The following ADGRD2 variants were observed in gnomAD, a reference collection of about 807,000 sequenced individuals.
The protein encoded by ADGRD2 is adhesion G protein-coupled receptor D2, also known as G protein-coupled receptor PGR24.
A neutral mutation model predicts 44.4 loss-of-function variants in ADGRD2; 71 were observed. The ratio of observed to expected loss-of-function variants is 1.60; its 90% CI spans 1.32 to 1.95. The LOEUF is 1.95. Ranked by LOEUF, ADGRD2 falls within the 30% of genes most tolerant of loss-of-function variation. The pLI, the probability that ADGRD2 is intolerant of heterozygous loss-of-function variation, is 0.00. For missense variants in ADGRD2, 1,039 were observed against 512.4 expected (o/e 2.03, Z -9.92); for synonymous variants, 481 against 224.8 (o/e 2.14, Z -10.19).
exon 9 of ADGRD2, chr9:124,458,201 C>T (rs1442791750): frequency 1.4e-6 from 1 of 718,486 alleles, no homozygotes; most frequent in East Asian, 2.7e-5. Flanking sequence ...AGCCCCAGGC[C>T]CCTGCCAGCT....
In ADGRD2 at chr9:124,452,438, G is replaced by A. The variant is rs116490228; in HGVS notation, c.69-72G>A. ...GAATGACTCCAAGCCCAGTGTCCTT[G>A]GCTCCGCCCAGCCCTGGAAGAGTCA... On this transcript the variant is annotated intron_variant, in intron 1 of 21. Transcript: ENST00000334810. The A allele has an allele frequency of 1.9e-3, 1,328 of 715,066 alleles. 23 individuals are homozygous for A. The African/African-American group carries it at 0.019, about 10-fold the overall frequency. The allele number at this position is 715,066 out of a possible 1,614,324, so 44.3% of individuals were successfully genotyped here. A position where few individuals can be genotyped will look rare whatever the true frequency, so the allele number is the denominator to read the frequency against.
chr9:124,467,697 G>T (rs781725821), intron 11 of ADGRD2, 24 bp from the exon 15 acceptor site: 9 of 717,918 alleles, frequency 1.3e-5, no homozygotes, highest in South Asian at 1.0e-4. Context: ...GGTGCCAGGG[G>T]GGTTTCTCTG....
chr9:124,471,651 C>T (rs1410782807), intron 17 of ADGRD2, among the ~76,000 whole-genome samples: 1 of 152,222 alleles, frequency 6.6e-6, no homozygotes, highest in Non-Finnish European at 1.5e-5. Context: ...TTCTCAGCCA[C>T]AGGGCATCCA....
chr9:124,473,474 G>C (rs545144682), intron 17 of ADGRD2, among the ~76,000 whole-genome samples: 3 of 152,346 alleles, frequency 2.0e-5, no homozygotes, highest in Admixed American at 2.0e-4. Context: ...TCATCGTGGA[G>C]TTCAGCTGAC....
In ADGRD2 at chr9:124,454,111, G is replaced by A. The variant is rs1831566405; in HGVS notation, c.1022+14G>A. The A allele has an allele frequency of 2.9e-6, 2 of 684,328 alleles. No homozygotes were observed. Among genetic ancestry groups the A allele is most frequent in the Admixed American group, 2.2e-5 (1 of 44,456 alleles). The allele number at this position is 684,328 out of a possible 1,614,324, so 42.4% of individuals were successfully genotyped here. The stretch of plus-strand genomic sequence containing the variant: ...GCTACCGGACAGGTGCGCCCTGGCT[G>A]TACCCCTGGGCTCTGCTGAAGGGAA... On this transcript the variant is annotated intron_variant, in intron 4 of 21. Coordinates refer to ENST00000334810, the Ensembl canonical transcript of ADGRD2. This position sits in a 1 kb window ranked among gnomAD's most constrained non-coding sequence, Gnocchi z 4.5.
At chr9:124,451,915 C>A (rs894641280), upstream of ADGRD2, among the ~76,000 whole-genome samples, 1 of 151,982 alleles carries the variant, frequency 6.6e-6, no homozygotes, top group East Asian at 1.9e-4. Flanking sequence ...CTCAGGGCAG[C>A]AAAGGGCCCT....
Position 124,452,477 on chromosome 9 carries a change from T to C in ADGRD2, c.69-33T>C, listed in dbSNP as rs1456834978. 4.2e-6 allele frequency: 3 copies of C among 718,102 alleles called. No individual in the cohort carries two copies. The Admixed American group carries it at 6.0e-5, about 14-fold the overall frequency. 44.5% of individuals were successfully genotyped at this position (718,102 alleles called of 1,614,324 possible). ...CTGGAAGAGTCAGATGCCCACAAAATGCACCCCCCACCGTCTCTCTTATCG... is the reference window on the plus strand; with the variant it reads ...CTGGAAGAGTCAGATGCCCACAAAACGCACCCCCCACCGTCTCTCTTATCG... On this transcript the variant is annotated intron_variant, in intron 1 of 21. Coordinates refer to ENST00000334810, the Ensembl canonical transcript of ADGRD2.
intron 11 of ADGRD2, 95 bp from the exon 15 acceptor site, chr9:124,467,626 C>A: frequency 2.9e-6 from 2 of 678,140 alleles, no homozygotes; most frequent in Non-Finnish European, 2.7e-6. Context: ...GAGGCGAATG[C>A]GGCGTGGGGG....
exon 22 of ADGRD2, chr9:124,478,312 CA>C (rs1314066445): frequency 6.6e-6 from 1 of 152,382 alleles, no homozygotes; most frequent in East Asian, 1.9e-4. Flanking sequence ...AACTCGTCGC[CA>C]AACCCTGCCC....
chr9:124,469,422 A>G lies in ADGRD2; in HGVS notation c.2522-10A>G. 1 of 718,182 alleles carries G rather than the reference A, an allele frequency of 1.4e-6. No individual in the cohort carries two copies. Among genetic ancestry groups the G allele is most frequent in the South Asian group, 1.5e-5 (1 of 67,602 alleles). The allele number at this position is 718,182 out of a possible 1,614,324, so 44.5% of individuals were successfully genotyped here. A position where few individuals can be genotyped will look rare whatever the true frequency, so the allele number is the denominator to read the frequency against. On this transcript the variant is annotated splice_polypyrimidine_tract_variant and intron_variant, in intron 15 of 21. Coordinates refer to ENST00000334810, the Ensembl canonical transcript of ADGRD2. The stretch of plus-strand genomic sequence containing the variant: ...GGAAGTCCTCTTGCCCACTGACCCC[A>G]GGTCTCCAGGCCAACACCTGCATCC...
At position 124,454,548 on chromosome 9, in the gene ADGRD2, T is replaced by C; in HGVS notation, c.1089T>C (p.Asn363=). Residue 363 remains asparagine, a synonymous_variant, in exon 5 of 22, where the codon AAT becomes AAC. Coordinates refer to ENST00000334810, the Ensembl canonical transcript of ADGRD2. This position sits in a 1 kb window ranked among gnomAD's most constrained non-coding sequence, Gnocchi z 4.5. ...GCCAGGATGTTATCAGCCGAGTCAA[T>C]GCCTTGGCCAACGACATTGTGGTGA... The C allele has an allele frequency of 1.4e-6, 1 of 717,140 alleles. No individual in the cohort carries two copies. Among genetic ancestry groups the C allele is most frequent in the Non-Finnish European group, 2.6e-6 (1 of 384,134 alleles). 44.4% of individuals were successfully genotyped at this position (717,140 alleles called of 1,614,324 possible).
exon 16 of ADGRD2, chr9:124,469,432 G>T (rs2131253582): frequency 1.4e-6 from 1 of 718,194 alleles, no homozygotes; most frequent in Non-Finnish European, 2.6e-6. Context: ...AGGTCTCCAG[G>T]CCAACACCTG....
intron 17 of ADGRD2, among the ~76,000 whole-genome samples, chr9:124,470,905 G>C (rs1008098728): frequency 1.3e-5 from 2 of 152,226 alleles, no homozygotes; most frequent in African/African-American, 4.8e-5. Context: ...TCAGGGTCCG[G>C]CAGAAATTCC....
intron 3 of ADGRD2, 62 bp downstream of exon 6, chr9:124,453,738 A>T: frequency 3.8e-6 from 2 of 521,178 alleles, no homozygotes; most frequent in South Asian, 3.6e-5. Context: ...CCGACCCTGG[A>T]ACTCGACCCA....
Position 124,475,312 on chromosome 9 carries a change from G to A in ADGRD2, c.2759-134G>A, listed in dbSNP as rs543747180. The A allele has an allele frequency of 3.6e-3, 2,152 of 591,392 alleles. 17 individuals are homozygous for A. The highest frequency in any genetic ancestry group is 0.015 in the Admixed American group (499 of 33,714). The allele number at this position is 591,392 out of a possible 1,614,324, so 36.6% of individuals were successfully genotyped here. ...GGCACGAGGGCAGGGCCGACTTCGT[G>A]CCCATCAGCCTGTCTCTGGGTATCT... On this transcript the variant is annotated intron_variant, in intron 17 of 21. Transcript: ENST00000334810.
At chr9:124,477,070 C>T (rs1832062306) in intron 21 of ADGRD2, 3 of 536,798 alleles carry the variant, frequency 5.6e-6, no homozygotes, top group South Asian at 3.1e-5. Context: ...AGCCCAGCAC[C>T]CCCCGTCACC....
chr9:124,463,339 TG>T (rs1215064510), intron 10 of ADGRD2, among the ~76,000 whole-genome samples: 2 of 152,232 alleles, frequency 1.3e-5, no homozygotes, highest in African/African-American at 4.8e-5. Context: ...CAGTGTAATT[TG>T]TTTATGGTGT....
In ADGRD2 at chr9:124,454,755, A is replaced by G; in HGVS notation, c.1109-88A>G. On this transcript the variant is annotated intron_variant, in intron 5 of 21. Coordinates refer to ENST00000334810, the Ensembl canonical transcript of ADGRD2. The surrounding 1 kb of genome is among the most constrained non-coding windows in gnomAD (Gnocchi z 4.5). ...TGACAAGTTTAATGGGTGCCCACCA[A>G]GAAGACCCTGGCAAAGCCCAAGTGT... The G allele has an allele frequency of 1.6e-6, 1 of 616,310 alleles. No homozygotes were observed. Among genetic ancestry groups the G allele is most frequent in the Non-Finnish European group, 2.9e-6 (1 of 340,902 alleles). 38.2% of individuals were successfully genotyped at this position (616,310 alleles called of 1,614,324 possible).
intron 21 of ADGRD2, 144 bp downstream of exon 24, chr9:124,476,853 C>T: frequency 2.9e-6 from 2 of 691,304 alleles, no homozygotes; most frequent in Admixed American, 4.1e-5. Flanking sequence ...CTCCACAGGT[C>T]CCCTGGGAGC....
Sources: gnomAD v4.1 joint callset for allele counts (sites outside exome capture counted in the v4.1 genomes callset) on GRCh38, gnomAD v4.1.1 for gene constraint, Gnocchi (gnomAD v3.1) non-coding constraint, MANE v1.5 for transcripts, NCBI Gene and HGNC (gene_info 2026-07-23, HGNC 2026-07-21) for gene names.